Variants in LFNG observed in about 807,000 individuals in gnomAD.
LFNG encodes the protein beta-1,3-N-acetylglucosaminyltransferase lunatic fringe.
In LFNG, 15 loss-of-function variants were observed where a neutral mutation model predicts 32.7. That is an observed-to-expected ratio of 0.46 (90% CI 0.31 to 0.71). The LOEUF (loss-of-function observed/expected upper bound fraction) is 0.71, where lower values mean the gene tolerates loss of function less well. Among genes scored for constraint, LFNG ranks in the 30% least tolerant of loss-of-function variants. The pLI, the probability that LFNG is intolerant of heterozygous loss-of-function variation, is 0.06. For missense variants in LFNG, 520 were observed against 545.7 expected (o/e 0.95, Z 0.47); for synonymous variants, 274 against 246.8 (o/e 1.11, Z -1.03).
At chr7:2,518,590 C>G (rs1779688534), upstream of LFNG, 1 of 1,608,910 alleles carries the variant, frequency 6.2e-7, no homozygotes, top group African/African-American at 1.3e-5. Flanking sequence ...GGCTGACATT[C>G]AGGTAGAGGT....
upstream of LFNG, chr7:2,513,384 C>T (rs1235646249): frequency 5.3e-6 from 8 of 1,514,578 alleles, no homozygotes; most frequent in African/African-American, 1.4e-5. Flanking sequence ...CCAGAGCAGC[C>T]TGGAATATCC....
intron 1 of LFNG, among the ~76,000 whole-genome samples, chr7:2,524,348 G>GGGC (rs1779880738): frequency 6.6e-6 from 1 of 152,216 alleles, no homozygotes; most frequent in South Asian, 2.1e-4. Flanking sequence ...CAGGTGCACG[G>GGGC]GGCGGGTCGG....
intron 3 of LFNG, 24 bp from the exon 4 acceptor site, chr7:2,525,390 C>A (rs770149601): frequency 1.2e-6 from 2 of 1,612,706 alleles, no homozygotes; most frequent in South Asian, 2.2e-5. Flanking sequence ...ATGCCCTCCC[C>A]CGATGGCCCT....
At chr7:2,529,136 T>G, downstream of LFNG, 1 of 359,256 alleles carries the variant, frequency 2.8e-6, no homozygotes, top group Non-Finnish European at 5.0e-6. This position sits in a 1 kb window ranked among gnomAD's most constrained non-coding sequence, Gnocchi z 4.2. Context: ...AGACGCTTGT[T>G]TTTTAAATAC....
Position 2,526,877 on chromosome 7 carries a change from C to T in LFNG, c.1029C>T (p.Ala343=), listed in dbSNP as rs749597262. 1.7e-5 allele frequency: 27 copies of T among 1,612,074 alleles called. No individual in the cohort carries two copies. The highest frequency in any genetic ancestry group is 5.0e-5 in the Admixed American group (3 of 59,932). Residue 343 remains alanine (A), a synonymous_variant, in exon 7 of 8, where the codon GCC becomes GCT. Transcript: ENST00000222725. This position sits in a 1 kb window ranked among gnomAD's most constrained non-coding sequence, Gnocchi z 6.9. ...SYGMFENKRN[A]VHVKGPFSVE... ...GTATGTTTGAAAACAAGCGGAACGCCGTCCACGTGAAGGGGCCCTTCTCGG... is the reference window on the plus strand; with the variant it reads ...GTATGTTTGAAAACAAGCGGAACGCTGTCCACGTGAAGGGGCCCTTCTCGG...
intron 2 of LFNG, 70 bp from the exon 3 acceptor site, chr7:2,525,149 G>T: frequency 1.5e-6 from 2 of 1,367,412 alleles, no homozygotes; most frequent in East Asian, 2.4e-5. Context: ...GGGCCCTGTG[G>T]CGTCCCCCAG....
At position 2,520,150 on chromosome 7, in the gene LFNG, C is replaced by T. The variant is rs1283697812; in HGVS notation, c.289C>T (p.Arg97Cys). Residue 97 changes from arginine (R) to cysteine (C), a missense_variant, in exon 1 of 8, where the codon CGC (arginine) becomes TGC (cysteine). Physicochemically the swap from Arg to Cys is radical, Grantham distance 180. Around this residue, in one of 3 missense-constraint regions of LFNG, gnomAD observed 360 missense variants for 354.7 expected, o/e 1.01. Transcript: ENST00000222725. The surrounding 1 kb of genome is among the most constrained non-coding windows in gnomAD (Gnocchi z 5.0). ...GGGCCCGCCGCCCGGGGCTGCCCCC[C>T]GCCCCGCCGACGGCCACCCGCGCCC... ...DAGPPPGAAP[R>C]PADGHPRPLA... The T allele has an allele frequency of 4.8e-6, 7 of 1,447,662 alleles. No individual in the cohort carries two copies. The South Asian group carries it at 8.3e-5, about 17-fold the overall frequency. 89.7% of individuals were successfully genotyped at this position (1,447,662 alleles called of 1,614,324 possible). A position where few individuals can be genotyped will look rare whatever the true frequency, so the allele number is the denominator to read the frequency against.
chr7:2,518,605 A>C (rs769233305), upstream of LFNG: 12 of 1,612,050 alleles, frequency 7.4e-6, no homozygotes, highest in South Asian at 4.4e-5. Flanking sequence ...AGAGGTAAGG[A>C]GAGGGGCTCC....
At chr7:2,514,508 A>G (rs934438484), upstream of LFNG, among the ~76,000 whole-genome samples, 7 of 151,570 alleles carry the variant, frequency 4.6e-5, no homozygotes, top group Non-Finnish European at 5.9e-5. Flanking sequence ...CCATCTGTCC[A>G]TTCACCTGTC....
rs866876448 is a variant in LFNG at position 2,519,809 on chromosome 7, C to T, written c.-53C>T. ...GCCGCCGGAGCGACGGGCTTCGGGT[C>T]GGTGCAAGGCAGGCGCACGGGGAAG... On this transcript the variant is annotated 5_prime_UTR_variant, in exon 1 of 8. Coordinates refer to ENST00000222725, the MANE Select transcript of LFNG (RefSeq NM_001040167.2). 6.0e-6 allele frequency: 6 copies of T among 1,007,214 alleles called. No homozygotes were observed. The highest frequency in any genetic ancestry group is 9.1e-5 in the South Asian group (2 of 22,012). The allele number at this position is 1,007,214 out of a possible 1,614,324, so 62.4% of individuals were successfully genotyped here.
In LFNG at chr7:2,527,158, C is replaced by G. The variant is rs1780010380; in HGVS notation, c.1086C>G (p.Ile362Met). 1.2e-6 allele frequency: 2 copies of G among 1,612,772 alleles called. No homozygotes were observed. Among genetic ancestry groups the G allele is most frequent in the Non-Finnish European group, 1.7e-6 (2 of 1,179,918 alleles). ...TCTGTTCCCACAGGTTCCGCTCCAT[C>G]CACTGCCACCTGTACCCGGACACAC... is the stretch of plus-strand genomic sequence containing the variant. ...VEADPSRFRSIHCHLYPDTPW... is the reference protein window; with the variant it reads ...VEADPSRFRSMHCHLYPDTPW... Residue 362 changes from isoleucine to methionine, a missense_variant, in exon 8 of 8, where the codon ATC becomes ATG. This residue lies in a region of LFNG where 150 missense variants were observed against 159.9 expected (regional missense o/e 0.94). Coordinates refer to ENST00000222725, the MANE Select transcript of LFNG (RefSeq NM_001040167.2). The surrounding 1 kb of genome is among the most constrained non-coding windows in gnomAD (Gnocchi z 4.4).
chr7:2,519,523 C>G (rs930412651), upstream of LFNG, among the ~76,000 whole-genome samples: 2 of 151,622 alleles, frequency 1.3e-5, no homozygotes, highest in African/African-American at 4.8e-5. Flanking sequence ...CCGGGCCCGT[C>G]CCCAAGCCCC....
upstream of LFNG, among the ~76,000 whole-genome samples, chr7:2,518,278 A>C (rs1401066345): frequency 2.0e-5 from 3 of 151,932 alleles, no homozygotes; most frequent in African/African-American, 7.3e-5. Flanking sequence ...GCCATGGGAG[A>C]CTTGTCACTT....
At chr7:2,517,890 G>A (rs1779667630), upstream of LFNG, 3 of 1,175,446 alleles carry the variant, frequency 2.6e-6, no homozygotes, top group Non-Finnish European at 3.2e-6. Context: ...GTGTGGGTGT[G>A]TGAGTGGCTA....
intron 1 of LFNG, among the ~76,000 whole-genome samples, chr7:2,523,973 C>T (rs1047969142): frequency 4.6e-5 from 7 of 152,152 alleles, no homozygotes; most frequent in African/African-American, 1.7e-4. Context: ...GTGGCTGCAC[C>T]CTACGCGCGG....
upstream of LFNG, chr7:2,518,604 G>A: frequency 6.2e-7 from 1 of 1,612,206 alleles, no homozygotes; most frequent in South Asian, 1.1e-5. Context: ...TAGAGGTAAG[G>A]AGAGGGGCTC....
chr7:2,524,599 G>C, intron 1 of LFNG, 96 bp from the exon 2 acceptor site: 2 of 1,177,162 alleles, frequency 1.7e-6, no homozygotes, highest in African/African-American at 3.0e-5. Flanking sequence ...CGCAGCTGCA[G>C]CTGCAGCAAC....
rs1779738880 is a variant in LFNG, at chr7:2,519,982, G to T, written c.121G>T (p.Ala41Ser). 4 of 982,020 alleles carry T rather than the reference G, an allele frequency of 4.1e-6. No individual in the cohort carries two copies. Among genetic ancestry groups the T allele is most frequent in the Middle Eastern group, 1.0e-3 (2 of 1,924 alleles). 60.8% of individuals were successfully genotyped at this position (982,020 alleles called of 1,614,324 possible). A position where few individuals can be genotyped will look rare whatever the true frequency, so the allele number is the denominator to read the frequency against. Residue 41 changes from alanine (A) to serine (S), a missense_variant, in exon 1 of 8, where the codon GCG becomes TCG. Physicochemically the swap from Ala to Ser is moderately conservative, Grantham distance 99 (BLOSUM62 1). Transcript: ENST00000222725. The part of the protein sequence containing the change: ...PPLPAERGRR[A>S]LRSLAGPAGA... ...ACTGCCCGCCGAGCGCGGCCGGCGC[G>T]CGCTGCGCAGCCTGGCGGGCCCCGC...
At chr7:2,521,345 C>T (rs1444474656) in intron 1 of LFNG, among the ~76,000 whole-genome samples, 4 of 138,424 alleles carry the variant, frequency 2.9e-5, no homozygotes, top group African/African-American at 5.2e-5. Context: ...GAGGGGGCGG[C>T]GGGGGCCGTG....
Sources: allele counts gnomAD v4.1 joint callset (sites outside exome capture counted in the v4.1 genomes callset), GRCh38; gene constraint gnomAD v4.1.1; regional missense constraint gnomAD v4.1.1; non-coding constraint Gnocchi (gnomAD v3.1); transcripts MANE v1.5; gene names NCBI Gene and HGNC (gene_info 2026-07-23, HGNC 2026-07-21).